The following COL11A1 variants were observed in gnomAD, a reference collection of about 807,000 sequenced individuals.
The protein encoded by COL11A1 is collagen type XI alpha 1 chain.
In COL11A1, 74 loss-of-function variants were observed where a neutral mutation model predicts 265.2. The observed-to-expected ratio is 0.28, with a 90% CI of 0.23 to 0.34. COL11A1 has a LOEUF of 0.34. Among genes scored for constraint, COL11A1 ranks in the 10% least tolerant of loss-of-function variants. COL11A1 has a pLI of 1.00. For missense variants in COL11A1, 2,165 were observed against 2,263.6 expected, an observed-to-expected ratio of 0.96 and a Z score of 0.88; for synonymous variants, 816 against 727.6, an observed-to-expected ratio of 1.12 and a Z score of -1.96.
intron 31 of COL11A1, among the ~76,000 whole-genome samples, chr1:102,983,657 A>G (rs1313343925): frequency 6.6e-6 from 1 of 152,054 alleles, no homozygotes; most frequent in Non-Finnish European, 1.5e-5. Context: ...CCAGAACTGT[A>G]AGGCAGTGAA....
At chr1:103,077,484 C>A (rs1160707169) in intron 3 of COL11A1, among the ~76,000 whole-genome samples, 1 of 151,792 alleles carries the variant, frequency 6.6e-6, no homozygotes, top group African/African-American at 2.4e-5. Context: ...GCTATTATAT[C>A]TAATTTGTTT....
In COL11A1 at chr1:103,082,894, G is replaced by C. The variant is rs746264058; in HGVS notation, c.185C>G (p.Thr62Arg). 16 of 1,613,462 alleles carry C rather than the reference G, an allele frequency of 9.9e-6. No individual in the cohort carries two copies. The highest frequency in any genetic ancestry group is 1.3e-5 in the Non-Finnish European group (15 of 1,179,692). ...EGISKTTGFC[T>R]NRKNSKGSDT... ...TGAGCCTTTAGAATTCTTTCTGTTT[G>C]TGCAAAATCCCGTTGTTTTTGATAT... The change falls in exon 2 of 67, where the codon ACA becomes AGA. Residue 62 changes from threonine (T) to arginine (R), a missense_variant. Physicochemically the swap from Thr to Arg is moderately conservative, Grantham distance 71. Coordinates refer to ENST00000370096, the MANE Select transcript of COL11A1 (RefSeq NM_001854.4).
intron 1 of COL11A1, among the ~76,000 whole-genome samples, chr1:103,098,441 T>G (rs1242857765): frequency 6.6e-6 from 1 of 151,898 alleles, no homozygotes; most frequent in Non-Finnish European, 1.5e-5. Flanking sequence ...TTATAAAGCA[T>G]CTATGCTTTG....
chr1:103,060,283 T>C (rs1001128768), intron 4 of COL11A1, among the ~76,000 whole-genome samples: 2 of 152,060 alleles, frequency 1.3e-5, no homozygotes, highest in Non-Finnish European at 1.5e-5. Flanking sequence ...AGGAGAAATA[T>C]AGACTTTCTC....
At chr1:102,905,874 G>C (rs1012707876) in intron 54 of COL11A1, among the ~76,000 whole-genome samples, 3 of 152,062 alleles carry the variant, frequency 2.0e-5, no homozygotes, top group Non-Finnish European at 4.4e-5. Context: ...AGTTAGTTCA[G>C]TATTGGTCAC....
intron 66 of COL11A1, among the ~76,000 whole-genome samples, 198 bp downstream of exon 66, chr1:102,879,485 G>A (rs1649957402): frequency 6.6e-6 from 1 of 152,098 alleles, no homozygotes. Flanking sequence ...ATGTTTCAGA[G>A]TGTCTATGTG....
chr1:102,913,496 C>T, intron 53 of COL11A1, 141 bp downstream of exon 53: 1 of 723,196 alleles, frequency 1.4e-6, no homozygotes, highest in Non-Finnish European at 2.4e-6. Flanking sequence ...AATGGGAATT[C>T]AAAAATTTTT....
chr1:102,949,123 A>G (rs1278666446), intron 41 of COL11A1, among the ~76,000 whole-genome samples: 2 of 152,144 alleles, frequency 1.3e-5, no homozygotes, highest in Non-Finnish European at 2.9e-5. Flanking sequence ...ACAGAAACAC[A>G]TCAACAGAAG....
intron 14 of COL11A1, among the ~76,000 whole-genome samples, chr1:103,010,705 T>A (rs899826883): frequency 5.2e-5 from 7 of 135,882 alleles, no homozygotes; most frequent in African/African-American, 2.1e-4. Flanking sequence ...ATTTGTAAAT[T>A]TTTTTTTTTT....
Position 103,006,254 on chromosome 1 carries a change from A to G in COL11A1, c.1737+8T>C, listed in dbSNP as rs1665603840. ...GCCTTCAAAATGCACAATGAAAATAAGCCATACCCTTTTTCCAGGTTTTCC... is the reference window on the plus strand; with the variant it reads ...GCCTTCAAAATGCACAATGAAAATAGGCCATACCCTTTTTCCAGGTTTTCC... On this transcript the variant is annotated splice_region_variant and intron_variant, in intron 16 of 66. Transcript: ENST00000370096. 1 of 1,605,388 alleles carries G rather than the reference A, an allele frequency of 6.2e-7. No homozygotes were observed. Among genetic ancestry groups the G allele is most frequent in the Non-Finnish European group, 8.5e-7 (1 of 1,175,470 alleles).
intron 38 of COL11A1, among the ~76,000 whole-genome samples, 165 bp downstream of exon 38, chr1:102,965,322 T>C (rs934768060): frequency 1.3e-5 from 2 of 152,204 alleles, no homozygotes; most frequent in African/African-American, 4.8e-5. Flanking sequence ...AATAGTTTGT[T>C]GGTTTCATTT....
chr1:102,947,285 A>G (rs1659396473), intron 41 of COL11A1, among the ~76,000 whole-genome samples: 1 of 152,208 alleles, frequency 6.6e-6, no homozygotes, highest in African/African-American at 2.4e-5. Context: ...TAAAAAATAT[A>G]TCTAATAACC....
chr1:103,076,114 T>C (rs1370863631), intron 3 of COL11A1, among the ~76,000 whole-genome samples: 1 of 152,140 alleles, frequency 6.6e-6, no homozygotes, highest in Non-Finnish European at 1.5e-5. Context: ...ATGATAATGA[T>C]ATGTCATAAT....
intron 42 of COL11A1, among the ~76,000 whole-genome samples, chr1:102,946,414 G>A (rs540288880): frequency 3.3e-5 from 5 of 152,018 alleles, no homozygotes; most frequent in African/African-American, 4.8e-5. Flanking sequence ...ACTGGCGATC[G>A]GAGCTCAGAT....
rs61016929 is a variant in COL11A1 at position 103,065,573 on chromosome 1, C to CAA, written c.651+9043_651+9044dup. 3.0e-3 allele frequency among the ~76,000 whole-genome samples: 387 copies of CAA among 130,680 alleles called. 2 individuals are homozygous for CAA. Among genetic ancestry groups the CAA allele is most frequent in the Middle Eastern group, 0.02 (5 of 244 alleles). 85.7% of individuals were successfully genotyped at this position (130,680 alleles called of 152,430 possible). A position where few individuals can be genotyped will look rare whatever the true frequency, so the allele number is the denominator to read the frequency against. On this transcript the variant is annotated intron_variant, in intron 4 of 66. Transcript: ENST00000370096. The stretch of plus-strand genomic sequence containing the variant: ...GAAAGCAAACAAACAAACAAACAAA[C>CAA]AAAAAAAATAGCAACAAAGGCAATA...
chr1:102,994,426 C>G (rs146046288), intron 28 of COL11A1, among the ~76,000 whole-genome samples: 1 of 152,060 alleles, frequency 6.6e-6, no homozygotes, highest in Non-Finnish European at 1.5e-5. Context: ...TCTTCACCCC[C>G]TCCTGCTCCT....
At chr1:103,082,665 G>A in intron 2 of COL11A1, 140 bp downstream of exon 2, 1 of 732,452 alleles carries the variant, frequency 1.4e-6, no homozygotes, top group Non-Finnish European at 2.2e-6. Flanking sequence ...AGAAAGAATT[G>A]CATTTTACCA....
intron 32 of COL11A1, 39 bp from the exon 33 acceptor site, chr1:102,979,143 CAGT>C (rs1231497418): frequency 1.3e-6 from 2 of 1,587,528 alleles, no homozygotes; most frequent in Non-Finnish European, 1.7e-6. Flanking sequence ...CAGTATATCA[CAGT>C]AAATTATGAG....
intron 4 of COL11A1, among the ~76,000 whole-genome samples, chr1:103,037,364 T>A (rs1404093058): frequency 1.3e-5 from 2 of 151,898 alleles, no homozygotes; most frequent in Non-Finnish European, 2.9e-5. Flanking sequence ...AATGTGTTAG[T>A]GCTAAGGATC....
Sources: allele counts gnomAD v4.1 joint callset (sites outside exome capture counted in the v4.1 genomes callset), GRCh38; gene constraint gnomAD v4.1.1; transcripts MANE v1.5; gene names NCBI Gene and HGNC (gene_info 2026-07-23, HGNC 2026-07-21).